The following ERG28 variants were observed in gnomAD, a reference collection of about 807,000 sequenced individuals.
The protein encoded by ERG28 is ergosterol biosynthetic protein 28 homolog.
ERG28 carries 9 observed loss-of-function variants against 15.7 expected under a neutral mutation model. The ratio of observed to expected loss-of-function variants is 0.57; its 90% confidence interval spans 0.35 to 1.00. The LOEUF (loss-of-function observed/expected upper bound fraction) is 1.00. ERG28 is among the 50% of genes least tolerant of loss of function. ERG28 has a pLI of 0.02. For missense variants in ERG28, 117 were observed against 173.3 expected (o/e 0.68, Z 1.82); for synonymous variants, 61 against 68.4 (o/e 0.89, Z 0.53).
At position 75,651,340 on chromosome 14, in the gene ERG28, G is replaced by A. The variant is rs1162232991; in HGVS notation, c.*215C>T. On this transcript the variant is annotated 3_prime_UTR_variant, in exon 5 of 5. Transcript: ENST00000256319. ...AATTTCTTGACTTGGATGGAGTTAC[G>A]TAGTATTCACTTTAAAATTATTCTT... 8 of 422,908 alleles carry A rather than the reference G, an allele frequency of 1.9e-5. No individual in the cohort carries two copies. The highest frequency in any genetic ancestry group is 1.0e-4 in the East Asian group (3 of 28,670). 26.2% of individuals were successfully genotyped at this position (422,908 alleles called of 1,614,324 possible). A position where few individuals can be genotyped will look rare whatever the true frequency, so the allele number is the denominator to read the frequency against.
intron 2 of ERG28, 114 bp downstream of exon 2, chr14:75,657,256 T>G: frequency 7.6e-7 from 1 of 1,308,932 alleles, no homozygotes; most frequent in Non-Finnish European, 1.1e-6. Flanking sequence ...AATGGGTACC[T>G]GTGTTTGTTG....
In ERG28 at chr14:75,651,124, C is replaced by G. The variant is rs1255067978; in HGVS notation, c.*431G>C. 1.2e-5 allele frequency: 2 copies of G among 161,740 alleles called. No individual in the cohort carries two copies. Among genetic ancestry groups the G allele is most frequent in the African/African-American group, 2.4e-5 (1 of 41,486 alleles). The allele number at this position is 161,740 out of a possible 1,614,324, so 10.0% of individuals were successfully genotyped here. Reference sequence around the variant, plus strand: ...AGGAGCCCAACCTGCGTGGACAACCCCTTGAGGCAGCCCTTGGTCACAGCT... The same window carrying G: ...AGGAGCCCAACCTGCGTGGACAACCGCTTGAGGCAGCCCTTGGTCACAGCT... On this transcript the variant is annotated 3_prime_UTR_variant, in exon 5 of 5. Transcript: ENST00000256319.
chr14:75,657,411 G>C lies in ERG28; in HGVS notation c.92C>G (p.Thr31Ser). Reference protein sequence around the residue: ...GNTLQSFRDHTFLYEKLYTGK... With the variant: ...GNTLQSFRDHSFLYEKLYTGK... ...AGTGTAGAGCTTTTCATAGAGAAAA[G>C]TGTGGTCTCGGAAGCTCTGCAGCGT... Residue 31 changes from threonine (T) to serine (S), a missense_variant, in exon 2 of 5, where the codon ACT becomes AGT. Physicochemically the swap from Thr to Ser is moderately conservative, Grantham distance 58 (BLOSUM62 1). Coordinates refer to ENST00000256319, the MANE Select transcript of ERG28 (RefSeq NM_007176.4). The C allele has an allele frequency of 6.2e-7, 1 of 1,613,204 alleles. No homozygotes were observed. Among genetic ancestry groups the C allele is most frequent in the Non-Finnish European group, 8.5e-7 (1 of 1,179,654 alleles).
chr14:75,659,100 C>G (rs1890635642), intron 1 of ERG28, among the ~76,000 whole-genome samples: 1 of 152,110 alleles, frequency 6.6e-6, no homozygotes, highest in Non-Finnish European at 1.5e-5. Context: ...TAAGCAGGCA[C>G]TATTAATATT....
chr14:75,652,540 A>G (rs781608935), intron 3 of ERG28, among the ~76,000 whole-genome samples: 3 of 152,220 alleles, frequency 2.0e-5, no homozygotes, highest in East Asian at 1.9e-4. Flanking sequence ...TTGTTTGCTG[A>G]TATCTTTTTA....
chr14:75,660,434 T>C (rs1476496253), intron 1 of ERG28, among the ~76,000 whole-genome samples: 1 of 152,198 alleles, frequency 6.6e-6, no homozygotes, highest in Admixed American at 6.5e-5. Context: ...CATTTACACT[T>C]TTCAGTCTCG....
intron 3 of ERG28, 98 bp from the exon 4 acceptor site, chr14:75,651,987 G>T: frequency 9.4e-7 from 1 of 1,062,362 alleles, no homozygotes; most frequent in Non-Finnish European, 1.4e-6. Flanking sequence ...AACCCAGGAT[G>T]TCATTAAGAC....
chr14:75,660,586 A>G (rs1214114775), intron 1 of ERG28, among the ~76,000 whole-genome samples, 189 bp downstream of exon 1: 3 of 152,054 alleles, frequency 2.0e-5, no homozygotes, highest in African/African-American at 7.2e-5. Context: ...TCGTTCCTTG[A>G]ATTCACCAAG....
intron 1 of ERG28, among the ~76,000 whole-genome samples, chr14:75,659,873 C>A (rs972161341): frequency 6.6e-6 from 1 of 151,904 alleles, no homozygotes; most frequent in African/African-American, 2.4e-5. Flanking sequence ...CGCCGCCCCC[C>A]CCCGCCAACT....
chr14:75,652,577 T>G (rs1890541350), intron 3 of ERG28, among the ~76,000 whole-genome samples: 1 of 152,162 alleles, frequency 6.6e-6, no homozygotes, highest in African/African-American at 2.4e-5. Context: ...AATTATGAAA[T>G]ACTTCAAACA....
intron 3 of ERG28, 130 bp downstream of exon 3, chr14:75,654,756 G>A (rs1004798197): frequency 1.5e-5 from 15 of 1,032,876 alleles, no homozygotes; most frequent in Admixed American, 1.8e-5. Flanking sequence ...TAACCTGTGA[G>A]TTTTTTATTA....
At chr14:75,652,565 A>T (rs1890541271) in intron 3 of ERG28, among the ~76,000 whole-genome samples, 2 of 152,218 alleles carry the variant, frequency 1.3e-5, no homozygotes, top group Admixed American at 6.5e-5. Flanking sequence ...AAAATTTTTT[A>T]AAATTATGAA....
At chr14:75,652,677 A>T (rs77427516) in intron 3 of ERG28, among the ~76,000 whole-genome samples, 405 of 152,084 alleles carry the variant, frequency 2.7e-3, no homozygotes, top group African/African-American at 9.4e-3. Context: ...TTTGTTTCAG[A>T]CTCTTCTAAT....
At chr14:75,657,897 T>C (rs28723058) in intron 1 of ERG28, among the ~76,000 whole-genome samples, 1,891 of 152,318 alleles carry the variant, frequency 0.012, 38 homozygotes, top group African/African-American at 0.044. Flanking sequence ...TATGGAACTT[T>C]ATAAATTTGA....
rs755514680 is a variant in ERG28 at position 75,657,533 on chromosome 14, C to A, written c.-31G>T. The A allele has an allele frequency of 1.2e-6, 2 of 1,612,518 alleles. No individual in the cohort carries two copies. Among genetic ancestry groups the A allele is most frequent in the Admixed American group, 3.3e-5 (2 of 59,882 alleles). On this transcript the variant is annotated splice_region_variant and 5_prime_UTR_variant, in exon 2 of 5. Coordinates refer to ENST00000256319, the MANE Select transcript of ERG28 (RefSeq NM_007176.4). ...CCCTCAAACGTGGGAGGGCTTTTTG[C>A]CTTGGAAACAAAGGCAGAGGACATG...
chr14:75,657,107 G>A (rs770688515), intron 2 of ERG28, among the ~76,000 whole-genome samples: 16 of 151,760 alleles, frequency 1.1e-4, no homozygotes, highest in Non-Finnish European at 2.2e-4. Context: ...GGGAAAAAGG[G>A]TCAAGTGCTC....
At chr14:75,653,473 G>A (rs111548811) in intron 3 of ERG28, among the ~76,000 whole-genome samples, 7 of 151,748 alleles carry the variant, frequency 4.6e-5, no homozygotes, top group African/African-American at 1.5e-4. Flanking sequence ...ATGGTGGTGC[G>A]CGCCTGTAAT....
intron 2 of ERG28, 30 bp downstream of exon 2, chr14:75,657,340 A>G (rs139484084): frequency 5.0e-6 from 8 of 1,613,338 alleles, no homozygotes; most frequent in East Asian, 2.2e-5. Flanking sequence ...TAAGTCCTAT[A>G]AAGGATGCAG....
At chr14:75,654,443 T>C (rs1450221478) in intron 3 of ERG28, among the ~76,000 whole-genome samples, 1 of 152,236 alleles carries the variant, frequency 6.6e-6, no homozygotes, top group Non-Finnish European at 1.5e-5. Context: ...CACCTGCTGA[T>C]GCTGCATACA....
Sources: allele counts gnomAD v4.1 joint callset (sites outside exome capture counted in the v4.1 genomes callset), GRCh38; gene constraint gnomAD v4.1.1; transcripts MANE v1.5; gene names NCBI Gene and HGNC (gene_info 2026-07-23, HGNC 2026-07-21).